Variants in CSMD1 observed in about 807,000 individuals in gnomAD.
CSMD1 encodes the protein CUB and Sushi multiple domains 1, also known as CUB and sushi domain-containing protein 1.
A neutral mutation model predicts 417.5 loss-of-function variants in CSMD1; 213 were observed. The observed-to-expected ratio is 0.51, with a 90% CI of 0.46 to 0.57. CSMD1 has a LOEUF of 0.57. Among genes scored for constraint, CSMD1 ranks in the 20% least tolerant of loss-of-function variants. CSMD1 has a pLI of 0.00. For missense variants in CSMD1, 6,923 were observed against 4,529.7 expected (o/e 1.53, Z -15.17); for synonymous variants, 2,862 against 1,736.8 (o/e 1.65, Z -16.11).
chr8:4,339,726 T>C (rs976510291), intron 3 of CSMD1, among the ~76,000 whole-genome samples: 1 of 152,028 alleles, frequency 6.6e-6, no homozygotes, highest in African/African-American at 2.4e-5. Context: ...AAGAGGACGG[T>C]ATACGAAGTA....
chr8:4,246,446 G>A (rs578162542), intron 3 of CSMD1, among the ~76,000 whole-genome samples: 11 of 152,264 alleles, frequency 7.2e-5, no homozygotes, highest in East Asian at 1.9e-4. Flanking sequence ...CATTTTCTTC[G>A]TATGGTACCT....
intron 2 of CSMD1, among the ~76,000 whole-genome samples, chr8:4,543,980 G>T (rs1797525393): frequency 6.6e-6 from 1 of 152,050 alleles, no homozygotes; most frequent in Non-Finnish European, 1.5e-5. Flanking sequence ...TAGGTTCATT[G>T]TTTTCTATTG....
At chr8:4,432,191 A>G (rs1025339894) in intron 2 of CSMD1, among the ~76,000 whole-genome samples, 2 of 152,218 alleles carry the variant, frequency 1.3e-5, no homozygotes, top group African/African-American at 4.8e-5. Flanking sequence ...CGAAGTTTGA[A>G]AAAGTAAAAT....
chr8:4,217,711 A>G (rs920281664), intron 3 of CSMD1, among the ~76,000 whole-genome samples: 1 of 152,122 alleles, frequency 6.6e-6, no homozygotes, highest in Non-Finnish European at 1.5e-5. Context: ...AAGTTTTAGG[A>G]AATACAACTG....
chr8:3,089,416 C>T (rs1399738162), intron 48 of CSMD1, among the ~76,000 whole-genome samples: 2 of 152,202 alleles, frequency 1.3e-5, no homozygotes, highest in African/African-American at 4.8e-5. Flanking sequence ...TGTCCAGAAC[C>T]ACTGTTCGCA....
intron 5 of CSMD1, among the ~76,000 whole-genome samples, chr8:3,919,561 G>A (rs961107919): frequency 2.0e-5 from 3 of 152,026 alleles, no homozygotes; most frequent in Admixed American, 6.6e-5. Flanking sequence ...TTGATATCAG[G>A]ACATGTGATG....
intron 5 of CSMD1, among the ~76,000 whole-genome samples, chr8:3,920,491 T>C (rs2627394): frequency 0.12 from 18,223 of 152,090 alleles, 1,182 homozygotes; most frequent in African/African-American, 0.18. Context: ...TCCTAATTGA[T>C]CTGGCTAGGA....
intron 5 of CSMD1, among the ~76,000 whole-genome samples, chr8:3,895,301 T>C (rs1357448100): frequency 6.6e-6 from 1 of 152,192 alleles, no homozygotes; most frequent in Non-Finnish European, 1.5e-5. Flanking sequence ...AAAGTAAACC[T>C]ATCTATGTTT....
At chr8:3,465,456 G>T (rs183484963) in intron 12 of CSMD1, among the ~76,000 whole-genome samples, 2 of 152,130 alleles carry the variant, frequency 1.3e-5, no homozygotes, top group Admixed American at 1.3e-4. Flanking sequence ...GGTCCTCCTG[G>T]TCCACGTGTC....
intron 49 of CSMD1, among the ~76,000 whole-genome samples, chr8:3,053,898 T>C (rs1257471402): frequency 2.6e-5 from 4 of 152,238 alleles, no homozygotes; most frequent in East Asian, 1.9e-4. Flanking sequence ...GTTCACACCA[T>C]GGATTTAAAT....
intron 2 of CSMD1, among the ~76,000 whole-genome samples, chr8:4,628,957 G>A (rs556875707): frequency 1.8e-4 from 27 of 152,258 alleles, no homozygotes; most frequent in Non-Finnish European, 3.7e-4. Context: ...ATTCTTAAAT[G>A]AAACATATAT....
At chr8:4,180,478 A>G (rs970794282) in intron 3 of CSMD1, among the ~76,000 whole-genome samples, 12 of 151,314 alleles carry the variant, frequency 7.9e-5, no homozygotes, top group African/African-American at 1.7e-4. Flanking sequence ...CCTAATGCTA[A>G]ATGACGAGTT....
At chr8:3,295,986 A>C (rs960505895) in intron 25 of CSMD1, among the ~76,000 whole-genome samples, 1 of 152,056 alleles carries the variant, frequency 6.6e-6, no homozygotes, top group Admixed American at 6.6e-5. Flanking sequence ...TTGTACAGGG[A>C]AGAGATAGGC....
At chr8:3,796,315 A>ATATCTATCATGTATAGATATAGATATC (rs1800125311) in intron 5 of CSMD1, among the ~76,000 whole-genome samples, 1 of 51,990 alleles carries the variant, frequency 1.9e-5, no homozygotes, top group African/African-American at 8.1e-5. Flanking sequence ...ATAGATATAG[A>ATATCTATCATGTATAGATATAGATATC]TATCTATCAT....
chr8:4,112,695 G>C (rs1370821372), intron 3 of CSMD1, among the ~76,000 whole-genome samples: 2 of 152,142 alleles, frequency 1.3e-5, no homozygotes, highest in Non-Finnish European at 2.9e-5. Flanking sequence ...TTATATATGA[G>C]GGTTTGCAAG....
chr8:4,768,575 C>A (rs757759000), intron 1 of CSMD1, among the ~76,000 whole-genome samples: 1 of 152,108 alleles, frequency 6.6e-6, no homozygotes, highest in African/African-American at 2.4e-5. Context: ...TTGGATTGCA[C>A]GAGCTCAGAG....
chr8:4,424,362 A>G (rs760128286), intron 2 of CSMD1, among the ~76,000 whole-genome samples: 3 of 151,842 alleles, frequency 2.0e-5, no homozygotes, highest in Admixed American at 6.6e-5. Flanking sequence ...AAACAATCCA[A>G]TTAGAAAATA....
intron 12 of CSMD1, among the ~76,000 whole-genome samples, chr8:3,426,406 C>T (rs907595166): frequency 5.3e-5 from 8 of 152,138 alleles, no homozygotes; most frequent in Admixed American, 2.0e-4. Context: ...AGCTCGACTT[C>T]TCTAACTTTG....
intron 23 of CSMD1, among the ~76,000 whole-genome samples, chr8:3,342,490 T>A (rs776912911): frequency 7.2e-5 from 11 of 152,210 alleles, no homozygotes; most frequent in Non-Finnish European, 1.3e-4. Context: ...TTTTAATTAA[T>A]TAGTTAATTT....
Sources: allele counts gnomAD v4.1 joint callset (sites outside exome capture counted in the v4.1 genomes callset), GRCh38; gene constraint gnomAD v4.1.1; transcripts MANE v1.5; gene names NCBI Gene and HGNC (gene_info 2026-07-23, HGNC 2026-07-21).